The following GRIN3A variants were observed in gnomAD, a reference collection of about 807,000 sequenced individuals.
The protein encoded by GRIN3A is glutamate receptor ionotropic, NMDA 3A.
A neutral mutation model predicts 92.4 loss-of-function variants in GRIN3A; 47 were observed. The ratio of observed to expected loss-of-function variants is 0.51; its 90% CI spans 0.40 to 0.65. The LOEUF (loss-of-function observed/expected upper bound fraction) is 0.65. Ranked by LOEUF, GRIN3A falls within the 30% of genes least tolerant of loss-of-function variation. GRIN3A has a pLI of 0.00. For missense variants in GRIN3A, 1,324 were observed against 1,393.1 expected (o/e 0.95, Z 0.79); for synonymous variants, 527 against 540.6 (o/e 0.97, Z 0.35).
chr9:101,663,049 T>C (rs1829191974), intron 3 of GRIN3A, among the ~76,000 whole-genome samples: 1 of 150,484 alleles, frequency 6.6e-6, no homozygotes, highest in Non-Finnish European at 1.5e-5. Flanking sequence ...TCATTCCCAT[T>C]TTCCTGGCTT....
At chr9:101,665,349 G>C (rs1283131207) in intron 3 of GRIN3A, among the ~76,000 whole-genome samples, 1 of 151,910 alleles carries the variant, frequency 6.6e-6, no homozygotes, top group Non-Finnish European at 1.5e-5. Flanking sequence ...GATAACCAAA[G>C]AAGAGTTAAA....
chr9:101,631,487 C>T (rs1238714653), intron 3 of GRIN3A, among the ~76,000 whole-genome samples: 2 of 152,128 alleles, frequency 1.3e-5, no homozygotes, highest in African/African-American at 4.8e-5. Context: ...TGGTCTATGA[C>T]CAGGATTTTT....
intron 1 of GRIN3A, among the ~76,000 whole-genome samples, chr9:101,718,470 G>C (rs971042213): frequency 1.3e-5 from 2 of 152,182 alleles, no homozygotes; most frequent in African/African-American, 4.8e-5. Context: ...GGAGCACAAA[G>C]TACAAAGGGC....
intron 2 of GRIN3A, among the ~76,000 whole-genome samples, chr9:101,684,754 A>G (rs1315528513): frequency 6.6e-6 from 1 of 152,232 alleles, no homozygotes; most frequent in East Asian, 1.9e-4. Flanking sequence ...GGATTCAAAC[A>G]GAATCACTTT....
At chr9:101,629,971 A>G (rs1828690287) in intron 3 of GRIN3A, among the ~76,000 whole-genome samples, 1 of 152,222 alleles carries the variant, frequency 6.6e-6, no homozygotes. Flanking sequence ...GATGTTTATT[A>G]GGAGGAACTC....
At chr9:101,711,514 G>A (rs1829878811) in intron 1 of GRIN3A, among the ~76,000 whole-genome samples, 1 of 152,160 alleles carries the variant, frequency 6.6e-6, no homozygotes, top group Admixed American at 6.6e-5. Context: ...TCTGGTTCTG[G>A]TGGGCTTTGC....
chr9:101,573,647 A>G (rs1453353926), intron 8 of GRIN3A, 134 bp from the exon 9 acceptor site: 2 of 735,494 alleles, frequency 2.7e-6, no homozygotes, highest in African/African-American at 1.7e-5. Context: ...AAAGCCATGG[A>G]CAGACTACCT....
chr9:101,655,997 T>C (rs1405101862), intron 3 of GRIN3A, among the ~76,000 whole-genome samples: 2 of 151,960 alleles, frequency 1.3e-5, no homozygotes, highest in African/African-American at 4.8e-5. Context: ...GCACCTTTCA[T>C]TTCTTCAGAG....
At chr9:101,736,302 G>C (rs1830205173) in intron 1 of GRIN3A, among the ~76,000 whole-genome samples, 1 of 152,164 alleles carries the variant, frequency 6.6e-6, no homozygotes, top group African/African-American at 2.4e-5. Flanking sequence ...TTTGTGCAAG[G>C]CTTAACACAG....
intron 4 of GRIN3A, among the ~76,000 whole-genome samples, chr9:101,623,800 C>T (rs541505128): frequency 8.5e-5 from 13 of 152,302 alleles, no homozygotes; most frequent in Non-Finnish European, 1.6e-4. Context: ...ATTCATTGTT[C>T]TCTATACCTT....
At chr9:101,672,190 T>C (rs1303736475) in intron 2 of GRIN3A, among the ~76,000 whole-genome samples, 1 of 142,822 alleles carries the variant, frequency 7.0e-6, no homozygotes, top group East Asian at 2.0e-4. Flanking sequence ...TTGAACAATT[T>C]ACTTAACTCT....
In GRIN3A at chr9:101,628,306, A is replaced by G. The variant is rs781449938; in HGVS notation, c.2448T>C (p.Tyr816=). 3 of 1,613,936 alleles carry G rather than the reference A, an allele frequency of 1.9e-6. No homozygotes were observed. The highest frequency in any genetic ancestry group is 1.7e-5 in the Admixed American group (1 of 59,970). The stretch of plus-strand genomic sequence containing the variant: ...TGGCTGGAACATTGTACCTTCTCAT[A>G]TATTCATGCATCTCTGGGAAACTTT... The part of the protein sequence containing the change: ...VRQSFPEMHE[Y]MRRYNVPATP... Residue 816 remains tyrosine, a synonymous_variant, in exon 4 of 9, where the codon TAT becomes TAC. Transcript: ENST00000361820.
rs960435097 is a variant in GRIN3A at position 101,675,626 on chromosome 9, C to T, written c.1305-4519G>A. 1.1e-4 allele frequency among the ~76,000 whole-genome samples: 17 copies of T among 150,372 alleles called. No individual in the cohort carries two copies. In the East Asian group the frequency reaches 1.2e-3, roughly 10 times the overall value. The stretch of plus-strand genomic sequence containing the variant: ...GAATACATATGATAAATAGGTAATA[C>T]GTGTAGGATTTAGACCTGGCACAAT... On this transcript the variant is annotated intron_variant, in intron 2 of 8. Transcript: ENST00000361820.
At chr9:101,688,596 A>G (rs1249702060) in intron 1 of GRIN3A, among the ~76,000 whole-genome samples, 1 of 152,086 alleles carries the variant, frequency 6.6e-6, no homozygotes, top group Admixed American at 6.5e-5. Context: ...TGTTCATGGT[A>G]GGGAGGGTAA....
Position 101,687,216 on chromosome 9 carries a change from T to C in GRIN3A, c.700-16A>G, listed in dbSNP as rs1829550676. On this transcript the variant is annotated splice_polypyrimidine_tract_variant and intron_variant, in intron 1 of 8. Coordinates refer to ENST00000361820, the MANE Select transcript of GRIN3A (RefSeq NM_133445.3). ...GAAGGGGATTCTGTATTTAAAGATATGAAAAAGAAGAATTAGAAAGCATTG... is the reference window on the plus strand; with the variant it reads ...GAAGGGGATTCTGTATTTAAAGATACGAAAAAGAAGAATTAGAAAGCATTG... 1.9e-6 allele frequency: 3 copies of C among 1,613,450 alleles called. No individual in the cohort carries two copies. Among genetic ancestry groups the C allele is most frequent in the Admixed American group, 1.7e-5 (1 of 60,030 alleles).
At chr9:101,720,466 C>T (rs533027738) in intron 1 of GRIN3A, among the ~76,000 whole-genome samples, 16 of 152,238 alleles carry the variant, frequency 1.1e-4, no homozygotes, top group African/African-American at 3.4e-4. Flanking sequence ...CTCTGGTTCT[C>T]CTCCCGACTC....
At chr9:101,591,039 C>T (rs1246376988) in intron 6 of GRIN3A, among the ~76,000 whole-genome samples, 1 of 152,124 alleles carries the variant, frequency 6.6e-6, no homozygotes, top group Non-Finnish European at 1.5e-5. Flanking sequence ...GGGATTGCAA[C>T]ATATGGTACA....
At chr9:101,573,749 G>A (rs900452331) in intron 8 of GRIN3A, among the ~76,000 whole-genome samples, 23 of 150,128 alleles carry the variant, frequency 1.5e-4, no homozygotes, top group Admixed American at 5.3e-4. Flanking sequence ...TCATTTGAAG[G>A]GATGATAGGA....
rs189460206 is a variant in GRIN3A, at chr9:101,725,961, C to T, written c.699+11320G>A. Among the ~76,000 whole-genome samples the T allele has an allele frequency of 2.2e-3, 340 of 152,214 alleles. 1 individual carries two copies. Among genetic ancestry groups the T allele is most frequent in the African/African-American group, 7.7e-3 (320 of 41,536 alleles). ...TTTTCTCCATTGCACTTGTCTCTGT[C>T]TAATAATAATATATTACGTATTTAT... On this transcript the variant is annotated intron_variant, in intron 1 of 8. Transcript: ENST00000361820.
Sources: allele counts gnomAD v4.1 joint callset (sites outside exome capture counted in the v4.1 genomes callset), GRCh38; gene constraint gnomAD v4.1.1; transcripts MANE v1.5; gene names NCBI Gene and HGNC (gene_info 2026-07-23, HGNC 2026-07-21).